Variants in EGFL6 observed in about 807,000 individuals in gnomAD.
EGFL6 encodes the protein EGF like domain multiple 6.
EGFL6 carries 42 observed loss-of-function variants against 43.1 expected under a neutral mutation model. That is an observed-to-expected ratio of 0.98 (90% CI 0.76 to 1.26). The LOEUF (loss-of-function observed/expected upper bound fraction) is 1.26. Among genes scored for constraint, EGFL6 ranks in the 50% most tolerant of loss-of-function variants. The pLI is 0.00. For synonymous variants in EGFL6, 164 were observed against 163.2 expected (o/e 1.01, Z -0.04); for missense variants, 429 against 427.8 (o/e 1.00, Z -0.02).
chrX:13,581,954 C>CAG (rs766395065), intron 1 of EGFL6, among the ~76,000 whole-genome samples: 15 of 111,506 alleles, frequency 1.3e-4, no homozygotes, highest in Admixed American at 4.8e-4. Flanking sequence ...TAGGAAGAGA[C>CAG]AGAGAGAGAG....
intron 1 of EGFL6, among the ~76,000 whole-genome samples, chrX:13,581,653 A>C (rs959685582): frequency 1.8e-5 from 2 of 112,536 alleles, no homozygotes; most frequent in African/African-American, 3.2e-5. Context: ...GAATTCTGGC[A>C]CAGTATATTT....
At chrX:13,595,866 C>T (rs905029743) in intron 3 of EGFL6, among the ~76,000 whole-genome samples, 1 of 109,869 alleles carries the variant, frequency 9.1e-6, no homozygotes, top group African/African-American at 3.3e-5. Flanking sequence ...ACCACAGGCA[C>T]ACACCACCAT....
At position 13,617,803 on chromosome X, in the gene EGFL6, T is replaced by C. The variant is rs1436735592; in HGVS notation, c.852T>C (p.Leu284=). Residue 284 remains leucine (L), a synonymous_variant, in exon 8 of 12, where the codon CTT becomes CTC. Transcript: ENST00000361306. ...TCAAAGACAGAATCAAGAAGTTGCT[T>C]GCTCACAAAAACAGCATGAAAAAGA... is the stretch of plus-strand genomic sequence containing the variant. ...GTIKDRIKKL[L]AHKNSMKKKA... is the part of the protein sequence containing the mutation. 6 of 1,211,636 alleles carry C rather than the reference T, an allele frequency of 5.0e-6. No homozygotes were observed. Among genetic ancestry groups the C allele is most frequent in the Middle Eastern group, 2.3e-4 (1 of 4,355 alleles).
At chrX:13,595,252 T>C (rs1446560740) in intron 3 of EGFL6, among the ~76,000 whole-genome samples, 2 of 111,817 alleles carry the variant, frequency 1.8e-5, no homozygotes, top group African/African-American at 3.2e-5. Context: ...AAAAAGTAAA[T>C]AATTTTATTG....
chrX:13,627,302 T>C, intron 11 of EGFL6, 26 bp downstream of exon 11: 2 of 1,192,031 alleles, frequency 1.7e-6, no homozygotes, highest in Non-Finnish European at 1.1e-6. Context: ...ATGATTAAAC[T>C]CAATATTTGC....
At chrX:13,611,142 G>A (rs6654043) in intron 7 of EGFL6, among the ~76,000 whole-genome samples, 3,982 of 111,058 alleles carry the variant, frequency 0.036, 147 homozygotes, top group African/African-American at 0.11. Flanking sequence ...CACCTTCCAA[G>A]TAAGTCATCT....
chrX:13,593,525 G>A lies in EGFL6; in HGVS notation c.188-1311G>A, dbSNP rs1021277771. Among the ~76,000 whole-genome samples, 4 of 111,568 alleles carry A rather than the reference G, an allele frequency of 3.6e-5. No individual in the cohort carries two copies. In the East Asian group the frequency reaches 8.4e-4, roughly 24 times the overall value. The stretch of plus-strand genomic sequence containing the variant: ...CCTGATCCCACAGGGACCTCTAGGG[G>A]GTTAATTGCACCAGAGTTTGTCCTG... On this transcript the variant is annotated intron_variant, in intron 2 of 11. Transcript: ENST00000361306.
intron 9 of EGFL6, 116 bp downstream of exon 9, chrX:13,619,359 G>A (rs765371497): frequency 3.7e-4 from 231 of 627,837 alleles, no homozygotes; most frequent in Non-Finnish European, 5.6e-4. Context: ...AACCCCCAAG[G>A]GAAAAATCAT....
intron 9 of EGFL6, 95 bp downstream of exon 9, chrX:13,619,338 C>A: frequency 2.6e-6 from 2 of 775,183 alleles, no homozygotes; most frequent in Non-Finnish European, 3.9e-6. Flanking sequence ...TGAATCCCTG[C>A]TTCATTCGTA....
In EGFL6 at chrX:13,633,416, G is replaced by GA. The variant is rs959399688; in HGVS notation, c.*329dup. ...CTCTCTACAACATTTCTAGAAAATAGAAAAAAAAGCACAGAGAAATGTTTA... is the reference window on the plus strand; with the variant it reads ...CTCTCTACAACATTTCTAGAAAATAGAAAAAAAAAGCACAGAGAAATGTTTA... On this transcript the variant is annotated 3_prime_UTR_variant, in exon 12 of 12. Transcript: ENST00000361306. 9.0e-5 allele frequency: 13 copies of GA among 144,752 alleles called. No homozygotes were observed. Among genetic ancestry groups the GA allele is most frequent in the Non-Finnish European group, 1.2e-4 (9 of 76,072 alleles). 11.9% of individuals were successfully genotyped at this position (144,752 alleles called of 1,213,427 possible).
intron 3 of EGFL6, chrX:13,596,380 G>A (rs1017342501): frequency 9.0e-6 from 1 of 111,449 alleles, no homozygotes; most frequent in African/African-American, 3.3e-5. Flanking sequence ...CTCGTGTGGA[G>A]AGGACGACCA....
intron 7 of EGFL6, among the ~76,000 whole-genome samples, chrX:13,610,938 T>G (rs1374408980): frequency 9.0e-6 from 1 of 111,265 alleles, no homozygotes; most frequent in East Asian, 2.8e-4. Context: ...GTGCTCTCTC[T>G]GACAGGAGTC....
intron 9 of EGFL6, among the ~76,000 whole-genome samples, chrX:13,623,422 CA>C (rs1261849908): frequency 1.4e-5 from 1 of 70,164 alleles, no homozygotes; most frequent in African/African-American, 5.7e-5. Context: ...CCCTGTCACC[CA>C]GGCTGGAGTG....
In EGFL6 at chrX:13,603,399, A is replaced by G. The variant is rs199813306; in HGVS notation, c.483A>G (p.Ser161=). Residue 161 remains serine (S), a synonymous_variant, in exon 5 of 12, where the codon TCA becomes TCG. Transcript: ENST00000361306. ...GGCCACAGTGCCTGTGTCCATCCTC[A>G]GGACTCCGCCTGGCCCCAAATGGAA... ...EEGPQCLCPS[S]GLRLAPNGRD... is the part of the protein sequence containing the mutation. The G allele has an allele frequency of 8.3e-7, 1 of 1,209,379 alleles. No homozygotes were observed. The highest frequency in any genetic ancestry group is 1.1e-6 in the Non-Finnish European group (1 of 894,798).
intron 10 of EGFL6, among the ~76,000 whole-genome samples, chrX:13,625,481 C>T (rs1343289992): frequency 9.1e-6 from 1 of 110,361 alleles, no homozygotes; most frequent in Non-Finnish European, 1.9e-5. Context: ...GTCAGGAGTT[C>T]AAGACCAGCC....
chrX:13,617,591 A>T (rs200027706), intron 7 of EGFL6, 139 bp from the exon 8 acceptor site: 1 of 425,373 alleles, frequency 2.4e-6, no homozygotes, highest in East Asian at 4.8e-5. Context: ...TTCCTAATTT[A>T]TCATCAAATA....
chrX:13,569,764 C>A lies in EGFL6; in HGVS notation c.-98C>A, dbSNP rs992719241. On this transcript the variant is annotated 5_prime_UTR_variant, in exon 1 of 12. Transcript: ENST00000361306. ...CTGCGAGTGGAGCGGAGGACCCGAG[C>A]GGCTGAGGAGAGAGGAGGCGGCGGC... is the stretch of plus-strand genomic sequence containing the variant. 2.1e-5 allele frequency: 18 copies of A among 845,824 alleles called. No homozygotes were observed. Among genetic ancestry groups the A allele is most frequent in the Non-Finnish European group, 3.1e-5 (18 of 576,865 alleles). The allele number at this position is 845,824 out of a possible 1,213,427, so 69.7% of individuals were successfully genotyped here.
At chrX:13,600,896 C>G (rs1466523103) in intron 4 of EGFL6, among the ~76,000 whole-genome samples, 1 of 109,618 alleles carries the variant, frequency 9.1e-6, no homozygotes, top group Non-Finnish European at 1.9e-5. Flanking sequence ...GTTGTACAAC[C>G]ATCACCCCTA....
chrX:13,589,767 A>G (rs2045553780), intron 2 of EGFL6, 99 bp downstream of exon 2: 1 of 626,717 alleles, frequency 1.6e-6, no homozygotes, highest in African/African-American at 2.2e-5. Flanking sequence ...TGGATCTCTC[A>G]GGCAAGGACA....
Sources: allele counts gnomAD v4.1 joint callset (sites outside exome capture counted in the v4.1 genomes callset), GRCh38; gene constraint gnomAD v4.1.1; transcripts MANE v1.5; gene names NCBI Gene and HGNC (gene_info 2026-07-23, HGNC 2026-07-21).